DLGAP2: variants seen among roughly 807,000 people sequenced by gnomAD.
DLGAP2 encodes the protein disks large-associated protein 2.
A neutral mutation model predicts 100.3 loss-of-function variants in DLGAP2; 26 were observed. That is an observed-to-expected ratio of 0.26 (90% CI 0.19 to 0.36). The LOEUF is 0.36. Among genes scored for constraint, DLGAP2 ranks in the 10% least tolerant of loss-of-function variants. The pLI is 1.00. For synonymous variants in DLGAP2, 886 were observed against 630.1 expected (o/e 1.41, Z -6.08); for missense variants, 1,858 against 1,453.2 (o/e 1.28, Z -4.53).
At chr8:986,138 A>C (rs1347157410) in intron 2 of DLGAP2, among the ~76,000 whole-genome samples, 1 of 152,068 alleles carries the variant, frequency 6.6e-6, no homozygotes, top group Non-Finnish European at 1.5e-5. Context: ...GAAGCTCTTC[A>C]TAGCTCACTT....
intron 5 of DLGAP2, among the ~76,000 whole-genome samples, chr8:1,554,133 C>G (rs1801875328): frequency 6.6e-6 from 1 of 152,016 alleles, no homozygotes; most frequent in African/African-American, 2.4e-5. Flanking sequence ...ACTAAAAATA[C>G]AAAAACTAGC....
chr8:1,330,834 TGGGAGCACAGCTTCACA>T (rs1464136744), intron 3 of DLGAP2, among the ~76,000 whole-genome samples: 3 of 139,632 alleles, frequency 2.1e-5, no homozygotes, highest in African/African-American at 8.4e-5. Context: ...GAGTTCTGGG[TGGGAGCACAGCTTCACA>T]GGGACTGAGT....
At chr8:1,211,156 T>C (rs892513353) in intron 2 of DLGAP2, among the ~76,000 whole-genome samples, 1 of 152,236 alleles carries the variant, frequency 6.6e-6, no homozygotes, top group African/African-American at 2.4e-5. Flanking sequence ...TGATCTCATG[T>C]GAACAGGCTG....
At chr8:1,517,293 G>T (rs955728846) in intron 4 of DLGAP2, among the ~76,000 whole-genome samples, 10 of 152,168 alleles carry the variant, frequency 6.6e-5, no homozygotes, top group Non-Finnish European at 1.5e-4. Flanking sequence ...ACCCTGAAGA[G>T]TTAGACCTGG....
At chr8:1,176,286 A>G (rs568881811) in intron 2 of DLGAP2, among the ~76,000 whole-genome samples, 89 of 152,278 alleles carry the variant, frequency 5.8e-4, no homozygotes, top group African/African-American at 2.1e-3. Flanking sequence ...AGCATGGGGA[A>G]AACCGTCCCT....
At chr8:1,123,466 A>C (rs772849809) in intron 2 of DLGAP2, among the ~76,000 whole-genome samples, 2 of 152,198 alleles carry the variant, frequency 1.3e-5, no homozygotes, top group Admixed American at 6.5e-5. Context: ...GAGGTTCCTC[A>C]TAGTATTTTC....
chr8:1,554,550 G>C (rs2130537042), intron 5 of DLGAP2, among the ~76,000 whole-genome samples: 1 of 152,116 alleles, frequency 6.6e-6, no homozygotes, highest in East Asian at 1.9e-4. Flanking sequence ...CTTTATTGAG[G>C]GTCCCTCTGC....
chr8:1,481,188 A>T (rs1002810840), intron 3 of DLGAP2, among the ~76,000 whole-genome samples: 17 of 152,126 alleles, frequency 1.1e-4, no homozygotes, highest in African/African-American at 2.6e-4. Context: ...TAAAAAAAAA[A>T]TTTTAAAAAC....
At chr8:1,040,182 CCATGGTCAGCTCAGTGTG>C (rs1802289708) in intron 2 of DLGAP2, among the ~76,000 whole-genome samples, 1 of 110,746 alleles carries the variant, frequency 9.0e-6, no homozygotes, top group African/African-American at 3.9e-5. Flanking sequence ...AGCTCGGTTT[CCATGGTCAGCTCAGTGTG>C]CGTGGTCAGC....
intron 3 of DLGAP2, among the ~76,000 whole-genome samples, chr8:1,386,170 C>G (rs1166138980): frequency 6.6e-6 from 1 of 152,090 alleles, no homozygotes; most frequent in Non-Finnish European, 1.5e-5. Context: ...TGCAAAAACT[C>G]CAACATATGA....
intron 1 of DLGAP2, among the ~76,000 whole-genome samples, chr8:889,020 G>A (rs561854795): frequency 1.2e-4 from 19 of 152,292 alleles, no homozygotes; most frequent in South Asian, 8.3e-4. Flanking sequence ...TAGGATTTGG[G>A]TGGATAAAGG....
chr8:990,456 T>TCTCCC, intron 2 of DLGAP2, among the ~76,000 whole-genome samples: 1 of 19,704 alleles, frequency 5.1e-5, no homozygotes, highest in Non-Finnish European at 8.2e-5. Flanking sequence ...CCTGTTCTTC[T>TCTCCC]CTCCCACCTT....
At chr8:1,457,883 T>C (rs9785112) in intron 3 of DLGAP2, among the ~76,000 whole-genome samples, 80,688 of 149,856 alleles carry the variant, frequency 0.54, 22,341 homozygotes, top group East Asian at 0.87. Flanking sequence ...TTCAAGGGCA[T>C]GCACATTTCT....
At chr8:1,665,906 C>T (rs1451755066) in intron 8 of DLGAP2, among the ~76,000 whole-genome samples, 1 of 152,244 alleles carries the variant, frequency 6.6e-6, no homozygotes, top group Non-Finnish European at 1.5e-5. Context: ...CTCCTCACAT[C>T]TCCACCCGCG....
At chr8:1,043,279 ACGTGGGTGGTGGG>A (rs1802421759) in intron 2 of DLGAP2, among the ~76,000 whole-genome samples, 1 of 29,394 alleles carries the variant, frequency 3.4e-5, no homozygotes, top group East Asian at 9.9e-4. Flanking sequence ...TGGGTGGTGG[ACGTGGGTGGTGGG>A]TGTGGGTGGT....
At chr8:1,203,966 C>T (rs1797937130) in intron 2 of DLGAP2, among the ~76,000 whole-genome samples, 1 of 152,198 alleles carries the variant, frequency 6.6e-6, no homozygotes, top group African/African-American at 2.4e-5. Context: ...AAATAGGTCA[C>T]TTCCAAAAAG....
intron 1 of DLGAP2, among the ~76,000 whole-genome samples, chr8:780,270 C>A (rs1178661298): frequency 6.6e-6 from 1 of 152,190 alleles, no homozygotes; most frequent in Non-Finnish European, 1.5e-5. Flanking sequence ...TGGCTTTTTT[C>A]ACTCAGCATA....
chr8:1,224,215 C>T (rs1035269728), intron 2 of DLGAP2, among the ~76,000 whole-genome samples: 1 of 152,088 alleles, frequency 6.6e-6, no homozygotes, highest in East Asian at 1.9e-4. Context: ...TAGCATTTAC[C>T]TGGCATTCGT....
At chr8:796,347 G>C (rs554987524) in intron 1 of DLGAP2, among the ~76,000 whole-genome samples, 8 of 152,282 alleles carry the variant, frequency 5.3e-5, no homozygotes, top group South Asian at 2.1e-4. Flanking sequence ...GAATTCTTCT[G>C]TCACGGCCCC....
Sources: allele counts gnomAD v4.1 joint callset (sites outside exome capture counted in the v4.1 genomes callset), GRCh38; gene constraint gnomAD v4.1.1; transcripts MANE v1.5; gene names NCBI Gene and HGNC (gene_info 2026-07-23, HGNC 2026-07-21).